The following TECTA variants were observed in gnomAD, a reference collection of about 807,000 sequenced individuals.
TECTA encodes the protein alpha-tectorin.
In TECTA, 128 loss-of-function variants were observed where a neutral mutation model predicts 216.8. The observed-to-expected ratio is 0.59, with a 90% CI of 0.51 to 0.68. The LOEUF is 0.68. TECTA is among the 30% of genes least tolerant of loss of function. TECTA has a pLI of 0.00. For missense variants in TECTA, 2,551 were observed against 2,786.2 expected, an observed-to-expected ratio of 0.92 and a Z score of 1.90; for synonymous variants, 1,089 against 1,117.1, an observed-to-expected ratio of 0.97 and a Z score of 0.50.
chr11:121,162,999 A>G (rs1947016602), intron 16 of TECTA, among the ~76,000 whole-genome samples: 1 of 152,238 alleles, frequency 6.6e-6, no homozygotes, highest in Admixed American at 6.5e-5. Flanking sequence ...TTATAGATGT[A>G]TACAAACACA....
intron 1 of TECTA, among the ~76,000 whole-genome samples, 189 bp downstream of exon 1, chr11:121,101,631 A>G (rs1333616320): frequency 6.6e-6 from 1 of 152,252 alleles, no homozygotes; most frequent in Non-Finnish European, 1.5e-5. Flanking sequence ...GCTTGAAATT[A>G]CAACATATAT....
chr11:121,173,100 G>C (rs1033453968), intron 20 of TECTA, among the ~76,000 whole-genome samples: 1 of 152,154 alleles, frequency 6.6e-6, no homozygotes, highest in African/African-American at 2.4e-5. Context: ...CCCTTTGTCA[G>C]ATGAGTAGGT....
intron 18 of TECTA, among the ~76,000 whole-genome samples, chr11:121,167,025 C>A (rs1277244872): frequency 6.6e-6 from 1 of 152,196 alleles, no homozygotes; most frequent in Non-Finnish European, 1.5e-5. Flanking sequence ...GTGGTTCTTT[C>A]TCCTGTATAT....
At chr11:121,185,404 G>A in intron 20 of TECTA, among the ~76,000 whole-genome samples, 1 of 147,668 alleles carries the variant, frequency 6.8e-6, no homozygotes, top group Non-Finnish European at 1.5e-5. Context: ...GAATGAGTAG[G>A]GAAAGCAGAT....
intron 18 of TECTA, among the ~76,000 whole-genome samples, chr11:121,167,373 A>T (rs1591463794): frequency 1.3e-5 from 2 of 152,346 alleles, no homozygotes; most frequent in South Asian, 4.1e-4. Flanking sequence ...TCAAGGCTGC[A>T]GTGAGCTATG....
intron 10 of TECTA, among the ~76,000 whole-genome samples, chr11:121,135,556 T>C (rs976111783): frequency 6.6e-6 from 1 of 152,220 alleles, no homozygotes; most frequent in Non-Finnish European, 1.5e-5. Context: ...CGTGTGGTAT[T>C]GTAGTCAATG....
chr11:121,151,524 G>A (rs1193754496), intron 12 of TECTA, among the ~76,000 whole-genome samples: 1 of 152,180 alleles, frequency 6.6e-6, no homozygotes, highest in African/African-American at 2.4e-5. Flanking sequence ...AGGCATACAT[G>A]TATGCTTATG....
chr11:121,167,723 C>T (rs1947068156), intron 18 of TECTA, among the ~76,000 whole-genome samples: 1 of 152,178 alleles, frequency 6.6e-6, no homozygotes, highest in South Asian at 2.1e-4. Context: ...AAGAAGATTT[C>T]TATTACCCAG....
chr11:121,121,222 A>G (rs531792553), intron 7 of TECTA, among the ~76,000 whole-genome samples: 1 of 152,346 alleles, frequency 6.6e-6, no homozygotes, highest in East Asian at 1.9e-4. Context: ...AGCCTGGCAC[A>G]CAGTAGGTGC....
intron 6 of TECTA, among the ~76,000 whole-genome samples, chr11:121,115,680 C>T (rs1946495149): frequency 6.6e-6 from 1 of 152,132 alleles, no homozygotes; most frequent in East Asian, 1.9e-4. Flanking sequence ...GACAGGGTCT[C>T]TCTCTGTCAC....
At position 121,137,536 on chromosome 11, in the gene TECTA, T is replaced by A. The variant is rs1555125114; in HGVS notation, c.3057T>A (p.Cys1019Ter). 1 of 1,613,752 alleles carries A rather than the reference T, an allele frequency of 6.2e-7. No individual in the cohort carries two copies. Among genetic ancestry groups the A allele is most frequent in the Non-Finnish European group, 8.5e-7 (1 of 1,179,952 alleles). Residue 1019 changes from cysteine (C) to a stop codon, truncating the protein, a stop_gained, in exon 11 of 24, where the codon TGT becomes TGA. Transcript: ENST00000392793. LOFTEE classifies it high-confidence loss of function. ...ATAGCTGCTCTGAGGGATGTCAGTG[T>A]GATGAGGGCTATGCTCTACTGGGCA... ...CVDSCSEGCQCDEGYALLGSQ... is the reference protein window; with the variant it reads ...CVDSCSEGCQ
intron 4 of TECTA, 59 bp downstream of exon 4, chr11:121,109,557 C>G (rs1375945689): frequency 6.3e-7 from 1 of 1,595,942 alleles, no homozygotes; most frequent in African/African-American, 1.3e-5. Context: ...TCTTGTCCAT[C>G]TTCGCTACCA....
intron 4 of TECTA, among the ~76,000 whole-genome samples, chr11:121,111,914 C>T (rs889848734): frequency 2.6e-5 from 4 of 152,156 alleles, no homozygotes; most frequent in African/African-American, 9.7e-5. Flanking sequence ...ACAAAAAGGG[C>T]TGTTCTTACT....
chr11:121,124,307 C>CT (rs1292079773), intron 7 of TECTA, among the ~76,000 whole-genome samples: 1 of 152,142 alleles, frequency 6.6e-6, no homozygotes, highest in Non-Finnish European at 1.5e-5. Flanking sequence ...TTGCCTGTAC[C>CT]TCCAGCCTCA....
Position 121,130,225 on chromosome 11 carries a change from G to C in TECTA, c.2941+14G>C. ...ATGACTTCTGCCGTAAGTTGGGGTT[G>C]GATTCTGGGAGAGGCTTTCTAGCTG... On this transcript the variant is annotated intron_variant, in intron 10 of 23. Transcript: ENST00000392793. The C allele has an allele frequency of 6.3e-7, 1 of 1,599,264 alleles. No homozygotes were observed. The highest frequency in any genetic ancestry group is 1.1e-5 in the South Asian group (1 of 90,974).
chr11:121,150,462 T>C (rs1197548997), intron 12 of TECTA, among the ~76,000 whole-genome samples: 1 of 152,146 alleles, frequency 6.6e-6, no homozygotes, highest in African/African-American at 2.4e-5. Flanking sequence ...CAGAACAAAT[T>C]ATCCAAGGCT....
chr11:121,164,397 T>A (rs2135127670), intron 16 of TECTA, among the ~76,000 whole-genome samples: 1 of 152,328 alleles, frequency 6.6e-6, no homozygotes, highest in South Asian at 2.1e-4. Flanking sequence ...CTGTCCATCA[T>A]ATACTGTGAT....
At position 121,187,766 on chromosome 11, in the gene TECTA, A is replaced by G. The variant is rs543488108; in HGVS notation, c.6000-66A>G. The G allele has an allele frequency of 5.9e-5, 93 of 1,581,360 alleles. 2 individuals are homozygous for G. The South Asian group carries it at 1.0e-3, about 18-fold the overall frequency. ...ATGTGAAAAGTGAAATTTTGAACTGAAGGTGAGGATTAAGGTGTAAGAGGA... is the reference window on the plus strand; with the variant it reads ...ATGTGAAAAGTGAAATTTTGAACTGGAGGTGAGGATTAAGGTGTAAGAGGA... On this transcript the variant is annotated intron_variant, in intron 20 of 23. Transcript: ENST00000392793.
intron 20 of TECTA, among the ~76,000 whole-genome samples, chr11:121,170,444 TTTTGTTTTGTTTTGC>T (rs1947100161): frequency 6.7e-6 from 1 of 148,660 alleles, no homozygotes; most frequent in Non-Finnish European, 1.5e-5. Flanking sequence ...TTTTGTTTGG[TTTTGTTTTGTTTTGC>T]TTTGTTTTGT....
Sources: gnomAD v4.1 joint callset for allele counts (sites outside exome capture counted in the v4.1 genomes callset) on GRCh38, gnomAD v4.1.1 for gene constraint, MANE v1.5 for transcripts, NCBI Gene and HGNC (gene_info 2026-07-23, HGNC 2026-07-21) for gene names.